NEBL: variants seen among roughly 807,000 people sequenced by gnomAD.
NEBL encodes the protein LIM and SH3 protein 2.
A neutral mutation model predicts 140.2 loss-of-function variants in NEBL; 122 were observed. The observed-to-expected ratio is 0.87, with a 90% CI of 0.75 to 1.01. The LOEUF is 1.01. Among genes scored for constraint, NEBL ranks in the 50% least tolerant of loss-of-function variants. NEBL has a pLI of 0.00. For missense variants in NEBL, 1,365 were observed against 1,231.3 expected, an observed-to-expected ratio of 1.11 and a Z score of -1.62; for synonymous variants, 436 against 398.9, an observed-to-expected ratio of 1.09 and a Z score of -1.11.
chr10:21,069,945 T>C (rs1001360164), intron 2 of NEBL: 7 of 455,712 alleles, frequency 1.5e-5, no homozygotes, highest in African/African-American at 6.0e-5. Context: ...TCCCCTATCA[T>C]GTACTTACAG....
At chr10:20,888,545 G>T (rs1361337009) in intron 3 of NEBL, among the ~76,000 whole-genome samples, 1 of 152,216 alleles carries the variant, frequency 6.6e-6, no homozygotes, top group East Asian at 1.9e-4. Context: ...TCCAGAAAAT[G>T]CAAGTCGTTA....
At chr10:21,010,090 AAG>A (rs1389597561) in intron 3 of NEBL, among the ~76,000 whole-genome samples, 1 of 152,142 alleles carries the variant, frequency 6.6e-6, no homozygotes, top group African/African-American at 2.4e-5. Flanking sequence ...TTAGGAAATT[AAG>A]AGTGTTGATT....
chr10:21,101,926 C>T (rs769838440), intron 2 of NEBL, among the ~76,000 whole-genome samples: 4 of 152,202 alleles, frequency 2.6e-5, no homozygotes, highest in Non-Finnish European at 5.9e-5. Flanking sequence ...TTACTGAGCA[C>T]CACTGTGTAC....
intron 3 of NEBL, among the ~76,000 whole-genome samples, chr10:21,239,803 T>A (rs1842413680): frequency 6.6e-6 from 1 of 151,892 alleles, no homozygotes; most frequent in Admixed American, 6.6e-5. Context: ...GATTACAAGG[T>A]CAGGAGATCA....
intron 3 of NEBL, among the ~76,000 whole-genome samples, chr10:21,236,790 TA>T (rs1842358791): frequency 6.6e-6 from 1 of 152,188 alleles, no homozygotes; most frequent in Non-Finnish European, 1.5e-5. Flanking sequence ...CACCACCTAC[TA>T]AACTCCACTA....
At chr10:20,847,427 T>G (rs957107587) in intron 11 of NEBL, among the ~76,000 whole-genome samples, 2 of 152,148 alleles carry the variant, frequency 1.3e-5, no homozygotes, top group Non-Finnish European at 2.9e-5. Flanking sequence ...AAATCCCAAA[T>G]CATAAATTAC....
intron 2 of NEBL, among the ~76,000 whole-genome samples, chr10:21,060,079 G>A (rs1835205930): frequency 6.6e-6 from 1 of 152,148 alleles, no homozygotes; most frequent in Non-Finnish European, 1.5e-5. Context: ...AGGGTTTAAT[G>A]CCCGGTCATC....
intron 3 of NEBL, among the ~76,000 whole-genome samples, chr10:21,208,173 T>C (rs1046177209): frequency 1.3e-5 from 2 of 152,130 alleles, no homozygotes; most frequent in African/African-American, 4.8e-5. Flanking sequence ...GGGTCATTGA[T>C]TGGTCAAGGT....
intron 3 of NEBL, among the ~76,000 whole-genome samples, chr10:21,209,345 A>C (rs1841879734): frequency 6.6e-6 from 1 of 152,204 alleles, no homozygotes; most frequent in South Asian, 2.1e-4. Flanking sequence ...ATAAACAACA[A>C]ATAATTTTTA....
intron 1 of NEBL, among the ~76,000 whole-genome samples, chr10:21,290,819 C>T (rs1378799337): frequency 6.6e-6 from 1 of 152,188 alleles, no homozygotes; most frequent in African/African-American, 2.4e-5. Flanking sequence ...TTTCCCTCTC[C>T]CCTATGAAGA....
intron 20 of NEBL, among the ~76,000 whole-genome samples, chr10:20,818,315 G>A (rs1838944662): frequency 7.2e-6 from 1 of 138,148 alleles, no homozygotes; most frequent in Admixed American, 7.2e-5. Context: ...GGGGGCTGGG[G>A]GTGGGAGGCC....
intron 4 of NEBL, among the ~76,000 whole-genome samples, chr10:20,908,993 C>T (rs1046779695): frequency 1.3e-5 from 2 of 151,882 alleles, no homozygotes; most frequent in Non-Finnish European, 2.9e-5. Context: ...GTGTTTGTGG[C>T]ACTCTTTTTT....
intron 2 of NEBL, among the ~76,000 whole-genome samples, chr10:21,165,631 C>T (rs917122883): frequency 6.6e-6 from 1 of 152,184 alleles, no homozygotes; most frequent in East Asian, 1.9e-4. Flanking sequence ...TGCCCAATCT[C>T]GTCTACGTGC....
At chr10:21,004,780 G>T (rs1033605792) in intron 3 of NEBL, among the ~76,000 whole-genome samples, 6 of 152,140 alleles carry the variant, frequency 3.9e-5, no homozygotes, top group Non-Finnish European at 5.9e-5. Context: ...CCTGTCAGTG[G>T]GTCTGGGGCC....
At chr10:21,042,814 A>G (rs1215539322) in intron 2 of NEBL, among the ~76,000 whole-genome samples, 1 of 152,258 alleles carries the variant, frequency 6.6e-6, no homozygotes. Flanking sequence ...TCACATGATA[A>G]GAAGTACACA....
rs560100247 is a variant in NEBL, at chr10:21,249,786, G to A, written n.280-1797C>T. On this transcript the variant is annotated intron_variant and non_coding_transcript_variant, in intron 2 of 8. Coordinates refer to the NEBL transcript ENST00000675702. ...AAGCCTTTTAAAATGTTTCCTGGCT[G>A]GGTGCAGTGGCTCACACCTGCAATC... 5.9e-5 allele frequency among the ~76,000 whole-genome samples: 9 copies of A among 152,206 alleles called. 1 individual carries two copies. The East Asian group carries it at 1.7e-3, about 29-fold the overall frequency.
chr10:20,829,915 G>A (rs1005584014), intron 16 of NEBL, among the ~76,000 whole-genome samples: 1 of 152,158 alleles, frequency 6.6e-6, no homozygotes, highest in Non-Finnish European at 1.5e-5. Flanking sequence ...TGCTCAGGAG[G>A]TATTTACCTA....
At chr10:21,081,455 G>A (rs1836365180) in intron 2 of NEBL, among the ~76,000 whole-genome samples, 1 of 152,098 alleles carries the variant, frequency 6.6e-6, no homozygotes, top group Non-Finnish European at 1.5e-5. Flanking sequence ...GCTCCTAGTG[G>A]GAAAACTGAA....
rs375205867 is a variant in NEBL at position 21,191,413 on chromosome 10, C to G, written n.349-18936G>C. Among the ~76,000 whole-genome samples the G allele has an allele frequency of 3.1e-4, 47 of 152,338 alleles. 1 individual carries two copies. The South Asian group carries it at 9.5e-3, about 31-fold the overall frequency. The stretch of plus-strand genomic sequence containing the variant: ...GAATCTGGATTTTCATCCAGACCAT[C>G]TGGCTTTGGAGTTGAATTCTCACCC... On this transcript the variant is annotated intron_variant and non_coding_transcript_variant, in intron 3 of 8. Transcript: ENST00000675702.
Sources: allele counts gnomAD v4.1 joint callset (sites outside exome capture counted in the v4.1 genomes callset), GRCh38; gene constraint gnomAD v4.1.1; transcripts MANE v1.5; gene names NCBI Gene and HGNC (gene_info 2026-07-23, HGNC 2026-07-21).